Variants in TSPEAR observed in about 807,000 individuals in gnomAD.
TSPEAR encodes the protein thrombospondin-type laminin G domain and EAR repeat-containing protein.
Under a neutral mutation model 71.6 loss-of-function variants are expected in TSPEAR, and 69 were observed. The observed-to-expected ratio is 0.96, with a 90% CI of 0.79 to 1.18. TSPEAR has a LOEUF of 1.18. Among genes scored for constraint, TSPEAR ranks in the 50% most tolerant of loss-of-function variants. The pLI, the probability that TSPEAR is intolerant of heterozygous loss-of-function variation, is 0.00. For missense variants in TSPEAR, 971 were observed against 894.9 expected (o/e 1.09, Z -1.09); for synonymous variants, 402 against 387.2 (o/e 1.04, Z -0.45).
chr21:44,503,718 G>A lies in TSPEAR; in HGVS notation c.1856+1062C>T, dbSNP rs587615177. Among the ~76,000 whole-genome samples the A allele has an allele frequency of 3.0e-3, 324 of 108,908 alleles. 2 individuals are homozygous for A. The highest frequency in any genetic ancestry group is 0.011 in the African/African-American group (257 of 24,258). The allele number at this position is 108,908 out of a possible 152,430, so 71.4% of individuals were successfully genotyped here. The stretch of plus-strand genomic sequence containing the variant: ...AGGAAGCCGGCCTCGGTGAGCCCTC[G>A]GCGGGAAGCAAGGCTCTGGGAGGAG... On this transcript the variant is annotated intron_variant, in intron 11 of 11. Transcript: ENST00000323084.
In TSPEAR at chr21:44,601,359, T is replaced by C. The variant is rs782078997; in HGVS notation, c.83-33354A>G. ...GCTGTGTGCCCACCTGCTCTGATGA[T>C]TCCGGTTCATGCTGCCAGCCAGCTT... On this transcript the variant is annotated intron_variant, in intron 1 of 11. Coordinates refer to ENST00000323084, the MANE Select transcript of TSPEAR (RefSeq NM_144991.3). 11 of 1,608,604 alleles carry C rather than the reference T, an allele frequency of 6.8e-6. No homozygotes were observed. In the East Asian group the frequency reaches 2.5e-4, roughly 36 times the overall value.
chr21:44,547,325 T>C (rs1194180873), intron 2 of TSPEAR, among the ~76,000 whole-genome samples: 2 of 152,240 alleles, frequency 1.3e-5, no homozygotes, highest in Non-Finnish European at 1.5e-5. Context: ...TTTTATTTAG[T>C]TTTTTGAACA....
At position 44,576,856 on chromosome 21, in the gene TSPEAR, G is replaced by A. The variant is rs112957142; in HGVS notation, c.83-8851C>T. Among the ~76,000 whole-genome samples the A allele has an allele frequency of 7.3e-3, 1,118 of 152,228 alleles. 28 individuals carry two copies. The highest frequency in any genetic ancestry group is 0.025 in the African/African-American group (1,051 of 41,528). On this transcript the variant is annotated intron_variant, in intron 1 of 11. Coordinates refer to ENST00000323084, the MANE Select transcript of TSPEAR (RefSeq NM_144991.3). ...GGGATGCATGTTGTTTAAAGTGCAC[G>A]TGGAACATCCACCAACATAAACCAC...
rs1350624587 is a variant in TSPEAR at position 44,499,574 on chromosome 21, G to A, written c.*209C>T. 2.1e-5 allele frequency: 11 copies of A among 534,884 alleles called. No individual in the cohort carries two copies. The highest frequency in any genetic ancestry group is 7.0e-5 in the East Asian group (2 of 28,484). 33.1% of individuals were successfully genotyped at this position (534,884 alleles called of 1,614,324 possible). ...GGGCCTCTGCCTGCAAGACCAGACC[G>A]TCACTGGGGCTGTGGCTCAGAAGGA... On this transcript the variant is annotated 3_prime_UTR_variant, in exon 12 of 12. Coordinates refer to ENST00000323084, the MANE Select transcript of TSPEAR (RefSeq NM_144991.3).
intron 1 of TSPEAR, among the ~76,000 whole-genome samples, chr21:44,656,074 C>G (rs1985127544): frequency 6.6e-6 from 1 of 152,192 alleles, no homozygotes; most frequent in Admixed American, 6.5e-5. Flanking sequence ...CCGGGCGAGG[C>G]CACAAGTTCA....
chr21:44,519,659 G>C (rs1227316672), intron 9 of TSPEAR: 1 of 152,350 alleles, frequency 6.6e-6, no homozygotes, highest in African/African-American at 2.4e-5. Context: ...GGACTGTGCA[G>C]GGACCAGTAA....
chr21:44,567,652 C>A, intron 2 of TSPEAR, 133 bp downstream of exon 2: 1 of 690,110 alleles, frequency 1.4e-6, no homozygotes. Flanking sequence ...CAAGGCCAGC[C>A]ACTCTTGATC....
At chr21:44,678,726 T>C (rs1281973096) in intron 1 of TSPEAR, among the ~76,000 whole-genome samples, 1 of 152,134 alleles carries the variant, frequency 6.6e-6, no homozygotes, top group Non-Finnish European at 1.5e-5. Flanking sequence ...TTTAGAAAAA[T>C]CTAAAGACTC....
chr21:44,662,394 GA>G, intron 1 of TSPEAR, among the ~76,000 whole-genome samples: 1 of 152,196 alleles, frequency 6.6e-6, no homozygotes, highest in African/African-American at 2.4e-5. Flanking sequence ...GGATAAAAAG[GA>G]ATATTACATA....
chr21:44,594,706 G>T (rs1156750669), intron 1 of TSPEAR, among the ~76,000 whole-genome samples: 3 of 152,126 alleles, frequency 2.0e-5, no homozygotes, highest in Non-Finnish European at 4.4e-5. Context: ...CCCTCCTCCT[G>T]GCTCTCGTCT....
chr21:44,544,042 C>T (rs1429657071), intron 2 of TSPEAR, among the ~76,000 whole-genome samples: 1 of 152,190 alleles, frequency 6.6e-6, no homozygotes, highest in African/African-American at 2.4e-5. Context: ...ATCAGCAAAG[C>T]CCCACATTCT....
chr21:44,533,954 G>C (rs966213322), intron 2 of TSPEAR, 31 bp from the exon 3 acceptor site: 1 of 1,562,340 alleles, frequency 6.4e-7, no homozygotes. Context: ...TCAGGACGGG[G>C]CTGGGGGTAG....
At chr21:44,681,638 G>T in intron 1 of TSPEAR, 1 of 675,546 alleles carries the variant, frequency 1.5e-6, no homozygotes, top group South Asian at 3.0e-5. Flanking sequence ...TGGGACCCCA[G>T]ACTTCCCTGG....
chr21:44,539,535 C>G, intron 2 of TSPEAR: 1 of 1,612,570 alleles, frequency 6.2e-7, no homozygotes, highest in Non-Finnish European at 8.5e-7. Context: ...GAAGTGGAAG[C>G]CCCAGAGCAG....
At chr21:44,544,587 A>G (rs1555917561) in intron 2 of TSPEAR, among the ~76,000 whole-genome samples, 1 of 152,242 alleles carries the variant, frequency 6.6e-6, no homozygotes. Context: ...AAATAATGCT[A>G]GGCTTAAATT....
chr21:44,579,420 C>A (rs1978712619), intron 1 of TSPEAR: 2 of 420,440 alleles, frequency 4.8e-6, no homozygotes, highest in South Asian at 3.4e-5. Flanking sequence ...GAGCTCAAAA[C>A]CATGTATCCC....
At chr21:44,645,831 A>C (rs587669108) in intron 1 of TSPEAR, among the ~76,000 whole-genome samples, 1 of 152,206 alleles carries the variant, frequency 6.6e-6, no homozygotes, top group South Asian at 2.1e-4. Context: ...ACCTCAACTC[A>C]ACAAAAGCTT....
chr21:44,708,472 T>C lies in TSPEAR; in HGVS notation c.82+2961A>G, dbSNP rs369996394. On this transcript the variant is annotated intron_variant, in intron 1 of 11. Coordinates refer to ENST00000323084, the MANE Select transcript of TSPEAR (RefSeq NM_144991.3). ...AGGGCAGAGCTCCTGGGAGCACCAG[T>C]GGAAGTAGGAGGGCTGGGCTGGAAA... 2.0e-5 allele frequency among the ~76,000 whole-genome samples: 3 copies of C among 152,164 alleles called. 1 individual carries two copies.
In TSPEAR at chr21:44,504,853, C is replaced by T. The variant is rs1555911685; in HGVS notation, c.1783G>A (p.Gly595Arg). The change falls in exon 11 of 12, where the codon GGA (glycine) becomes AGA (arginine). Residue 595 changes from glycine (G) to arginine (R), a missense_variant. By Grantham distance (125) the Gly-to-Arg change is moderately radical. Coordinates refer to ENST00000323084, the MANE Select transcript of TSPEAR (RefSeq NM_144991.3). ...SALDWEFFSV[G>R]EDYFLVVANS... ...GCCACCACCAGGAAATAATCTTCTCCCACCGAGAAAAACTCCCAGTCCAGA... is the reference window on the plus strand; with the variant it reads ...GCCACCACCAGGAAATAATCTTCTCTCACCGAGAAAAACTCCCAGTCCAGA... The T allele has an allele frequency of 9.9e-6, 16 of 1,613,768 alleles. No individual in the cohort carries two copies. Among genetic ancestry groups the T allele is most frequent in the Non-Finnish European group, 1.2e-5 (14 of 1,179,860 alleles).
Sources: allele counts gnomAD v4.1 joint callset (sites outside exome capture counted in the v4.1 genomes callset), GRCh38; gene constraint gnomAD v4.1.1; transcripts MANE v1.5; gene names NCBI Gene and HGNC (gene_info 2026-07-23, HGNC 2026-07-21).